ENTREP2: variants seen among roughly 807,000 people sequenced by gnomAD.
ENTREP2 encodes protein ENTREP2.
chr15:29,180,864 T>C, the ENTREP2 span, among the ~76,000 whole-genome samples: 1 of 151,178 alleles, frequency 6.6e-6, no homozygotes, highest in Non-Finnish European at 1.5e-5. Flanking sequence ...GTTTGCCTGC[T>C]TATATGAGGA....
chr15:29,231,907 T>TTTTTTTTTTTTTC, the ENTREP2 span, among the ~76,000 whole-genome samples: 2 of 149,828 alleles, frequency 1.3e-5, no homozygotes, highest in Admixed American at 6.7e-5. Flanking sequence ...TTTTTTTTTT[T>TTTTTTTTTTTTTC]TGAGACGGAG....
the ENTREP2 span, among the ~76,000 whole-genome samples, chr15:29,233,458 C>T: frequency 1.3e-5 from 2 of 152,050 alleles, no homozygotes; most frequent in Non-Finnish European, 2.9e-5. Context: ...TTTTGTTATA[C>T]TGAGAGAGTT....
chr15:29,213,875 T>C, the ENTREP2 span, among the ~76,000 whole-genome samples: 10,129 of 151,918 alleles, frequency 0.067, 1,162 homozygotes, highest in African/African-American at 0.23. Flanking sequence ...TAAAAGTGGG[T>C]GAGGATATGA....
At chr15:29,355,526 T>C in the ENTREP2 span, among the ~76,000 whole-genome samples, 1 of 151,662 alleles carries the variant, frequency 6.6e-6, no homozygotes, top group African/African-American at 2.4e-5. Context: ...AACCTCACAC[T>C]TGGAGGATCA....
chr15:29,492,032 G>A, the ENTREP2 span, among the ~76,000 whole-genome samples: 43 of 151,800 alleles, frequency 2.8e-4, 1 homozygote, highest in African/African-American at 9.0e-4. Context: ...AAAGCCATAC[G>A]ATTCACTGCC....
the ENTREP2 span, among the ~76,000 whole-genome samples, chr15:29,344,229 A>G: frequency 2.0e-5 from 3 of 152,156 alleles, no homozygotes; most frequent in South Asian, 2.1e-4. Context: ...CCTCCCCAAA[A>G]CGCTTCACGC....
chr15:29,473,763 C>G, the ENTREP2 span, among the ~76,000 whole-genome samples: 1 of 152,196 alleles, frequency 6.6e-6, no homozygotes, highest in Admixed American at 6.5e-5. Flanking sequence ...TTCAAGAAAC[C>G]GCCTGAGGCT....
the ENTREP2 span, among the ~76,000 whole-genome samples, chr15:29,426,849 C>T: frequency 6.6e-6 from 1 of 152,162 alleles, no homozygotes; most frequent in African/African-American, 2.4e-5. Context: ...AAATGCTATG[C>T]ACACTGGGCG....
chr15:29,570,039 CCCCCCCACCCCA>C, the ENTREP2 span: 2 of 115,072 alleles, frequency 1.7e-5, no homozygotes, highest in African/African-American at 3.7e-5. Context: ...CCCTCCCCCG[CCCCCCCACCCCA>C]CCCCCCACCC....
At chr15:29,514,706 C>T in the ENTREP2 span, among the ~76,000 whole-genome samples, 1 of 152,180 alleles carries the variant, frequency 6.6e-6, no homozygotes, top group Non-Finnish European at 1.5e-5. Flanking sequence ...CCCACACCTG[C>T]ATTTTCAGAA....
the ENTREP2 span, chr15:29,269,488 G>GCCTGGGCCCGGCGGGCGC: frequency 2.5e-6 from 4 of 1,609,328 alleles, no homozygotes; most frequent in Non-Finnish European, 3.4e-6. Context: ...GGCGGGGGCG[G>GCCTGGGCCCGGCGGGCGC]CCTGGGCCCG....
chr15:29,368,302 T>TG, the ENTREP2 span, among the ~76,000 whole-genome samples: 1 of 149,994 alleles, frequency 6.7e-6, no homozygotes, highest in Non-Finnish European at 1.5e-5. Context: ...CACTCCAGCC[T>TG]GGGCAGCAGA....
chr15:29,444,234 GAA>G, the ENTREP2 span, among the ~76,000 whole-genome samples: 113 of 144,184 alleles, frequency 7.8e-4, no homozygotes, highest in African/African-American at 2.6e-3. Flanking sequence ...AAGAAAGAAA[GAA>G]AGAAAGAAAG....
chr15:29,497,765 G>A, the ENTREP2 span, among the ~76,000 whole-genome samples: 2,057 of 151,864 alleles, frequency 0.014, 41 homozygotes, highest in African/African-American at 0.047. Flanking sequence ...ATTTTTCTAA[G>A]TTCTATTTCA....
the ENTREP2 span, among the ~76,000 whole-genome samples, chr15:29,479,190 G>C: frequency 3.2e-5 from 4 of 125,778 alleles, no homozygotes; most frequent in African/African-American, 6.2e-5. Context: ...CTGGGTGACA[G>C]AGCGAGGCTC....
At chr15:29,239,923 CTT>C in the ENTREP2 span, among the ~76,000 whole-genome samples, 1 of 152,192 alleles carries the variant, frequency 6.6e-6, no homozygotes, top group African/African-American at 2.4e-5. Flanking sequence ...CAAAGAATGA[CTT>C]TTCCCCAAAA....
chr15:29,657,475 T>TGCGGGGGCAGGGCGGGGCGGGG, the ENTREP2 span, among the ~76,000 whole-genome samples: 4 of 3,804 alleles, frequency 1.1e-3, no homozygotes, highest in East Asian at 0.018. Context: ...CGCTGTCGGC[T>TGCGGGGGCAGGGCGGGGCGGGG]GGGGGGGCGG....
chr15:29,611,920 C>T, the ENTREP2 span, among the ~76,000 whole-genome samples: 1 of 152,208 alleles, frequency 6.6e-6, no homozygotes, highest in Non-Finnish European at 1.5e-5. Flanking sequence ...TCTGCCTTCG[C>T]TGCACCTCCA....
At chr15:29,181,419 T>C in the ENTREP2 span, among the ~76,000 whole-genome samples, 1 of 152,076 alleles carries the variant, frequency 6.6e-6, no homozygotes, top group Non-Finnish European at 1.5e-5. Context: ...TCTAGGCTAG[T>C]GTAAACTAAA....
Sources: gnomAD v4.1 joint callset for allele counts (sites outside exome capture counted in the v4.1 genomes callset) on GRCh38, gnomAD v4.1.1 for gene constraint, MANE v1.5 for transcripts, NCBI Gene and HGNC (gene_info 2026-07-23, HGNC 2026-07-21) for gene names.